The following CYREN variants were observed in gnomAD, a reference collection of about 807,000 sequenced individuals.
The protein encoded by CYREN is cell cycle regulator of NHEJ, also known as cell cycle regulator of non-homologous end joining.
Under a neutral mutation model 9.7 loss-of-function variants are expected in CYREN, and 7 were observed. The observed-to-expected ratio is 0.72, with a 90% CI of 0.41 to 1.36. The LOEUF (loss-of-function observed/expected upper bound fraction) is 1.36, where lower values mean the gene tolerates loss of function less well. Ranked by LOEUF, CYREN falls within the 40% of genes most tolerant of loss-of-function variation. The pLI, the probability that CYREN is intolerant of heterozygous loss-of-function variation, is 0.01. For synonymous variants in CYREN, 76 were observed against 77.9 expected (o/e 0.98, Z 0.13); for missense variants, 215 against 198.1 (o/e 1.09, Z -0.51).
chr7:135,109,177 T>C (rs1159504714), intron 2 of CYREN, among the ~76,000 whole-genome samples: 1 of 152,262 alleles, frequency 6.6e-6, no homozygotes, highest in Non-Finnish European at 1.5e-5. Flanking sequence ...CTGAATTCTA[T>C]TTCTGTCATT....
intron 2 of CYREN, among the ~76,000 whole-genome samples, chr7:135,112,866 C>T (rs1261575047): frequency 6.6e-6 from 1 of 152,188 alleles, no homozygotes; most frequent in Non-Finnish European, 1.5e-5. Flanking sequence ...CAACCTCCGC[C>T]TCCTGGGTTC....
chr7:135,157,373 A>G (rs1829821538), intron 2 of CYREN, among the ~76,000 whole-genome samples: 1 of 152,218 alleles, frequency 6.6e-6, no homozygotes, highest in South Asian at 2.1e-4. Flanking sequence ...GGGATAGAGT[A>G]TGGTAATTAG....
chr7:135,138,572 C>T (rs1056907704), intron 2 of CYREN, among the ~76,000 whole-genome samples: 3 of 151,602 alleles, frequency 2.0e-5, no homozygotes, highest in Non-Finnish European at 2.9e-5. Flanking sequence ...TCAAATCATA[C>T]AAAATATTCA....
chr7:135,096,586 TAG>T (rs1822819468), intron 2 of CYREN, among the ~76,000 whole-genome samples: 1 of 66,132 alleles, frequency 1.5e-5, no homozygotes, highest in African/African-American at 7.0e-5. Flanking sequence ...GATAGATACA[TAG>T]ATAGATAGAT....
chr7:135,160,624 C>T (rs188131570), intron 2 of CYREN, among the ~76,000 whole-genome samples: 97 of 152,044 alleles, frequency 6.4e-4, no homozygotes, highest in African/African-American at 8.7e-4. Flanking sequence ...AGCATGCATA[C>T]GACATTAAAC....
At chr7:135,115,346 T>C in intron 2 of CYREN, 1 of 1,357,572 alleles carries the variant, frequency 7.4e-7, no homozygotes. Flanking sequence ...ATAGAGTTCA[T>C]ATCTCTGTAC....
chr7:135,169,193 G>C (rs957281535), intron 1 of CYREN, 133 bp from the exon 2 acceptor site: 1 of 323,436 alleles, frequency 3.1e-6, no homozygotes. Flanking sequence ...CATCAGGCAG[G>C]TGTGATTGTG....
chr7:135,122,777 A>C (rs771822603), intron 2 of CYREN, among the ~76,000 whole-genome samples: 1 of 152,204 alleles, frequency 6.6e-6, no homozygotes, highest in South Asian at 2.1e-4. Context: ...AACCCCAGCA[A>C]ACAGCAGCAG....
chr7:135,129,587 A>G lies in CYREN; in HGVS notation n.357-35005T>C. On this transcript the variant is annotated intron_variant and non_coding_transcript_variant, in intron 2 of 2. Transcript: ENST00000459937. Reference sequence around the variant, plus strand: ...TTTGCATGAGTTCTCTCTCTAGAGCAAACCCTTACAAACATTTCACTGATC... The same window carrying G: ...TTTGCATGAGTTCTCTCTCTAGAGCGAACCCTTACAAACATTTCACTGATC... 6 of 771,442 alleles carry G rather than the reference A, an allele frequency of 7.8e-6. No individual in the cohort carries two copies. The South Asian group carries it at 8.1e-5, about 10-fold the overall frequency. 47.8% of individuals were successfully genotyped at this position (771,442 alleles called of 1,614,324 possible).
At chr7:135,141,567 T>C (rs1288443186) in intron 2 of CYREN, among the ~76,000 whole-genome samples, 2 of 152,122 alleles carry the variant, frequency 1.3e-5, no homozygotes, top group Non-Finnish European at 2.9e-5. Context: ...TCAGCTCTGA[T>C]TGTGCTTATT....
At chr7:135,134,341 CA>C (rs1317686627) in intron 2 of CYREN, among the ~76,000 whole-genome samples, 4 of 151,896 alleles carry the variant, frequency 2.6e-5, no homozygotes, top group African/African-American at 9.7e-5. Flanking sequence ...GCTAAAAAAA[CA>C]GAGATTTTAA....
intron 2 of CYREN, among the ~76,000 whole-genome samples, chr7:135,108,949 G>T (rs758889363): frequency 2.8e-4 from 42 of 152,150 alleles, no homozygotes; most frequent in Non-Finnish European, 5.3e-4. Flanking sequence ...CAAGCTCCAA[G>T]ATTCTTTCCT....
At chr7:135,132,060 T>C (rs1413966648) in intron 2 of CYREN, among the ~76,000 whole-genome samples, 1 of 152,182 alleles carries the variant, frequency 6.6e-6, no homozygotes, top group Admixed American at 6.5e-5. Flanking sequence ...AGAAATCACC[T>C]GGCCTAGGTG....
chr7:135,113,580 A>T (rs1237626859), intron 2 of CYREN, among the ~76,000 whole-genome samples: 1 of 152,166 alleles, frequency 6.6e-6, no homozygotes, highest in East Asian at 1.9e-4. Context: ...ATTATAGGAC[A>T]TTTTTTTAAA....
intron 2 of CYREN, chr7:135,128,371 T>G: frequency 7.5e-6 from 3 of 397,802 alleles, no homozygotes; most frequent in Non-Finnish European, 9.1e-6. Flanking sequence ...ATGGCCCTGG[T>G]GGGAGTGTAG....
At chr7:135,109,818 T>C (rs1825351209) in intron 2 of CYREN, among the ~76,000 whole-genome samples, 1 of 152,080 alleles carries the variant, frequency 6.6e-6, no homozygotes, top group South Asian at 2.1e-4. Flanking sequence ...CCTCAGACTG[T>C]CTAGAGCCTG....
At chr7:135,115,440 C>A in intron 2 of CYREN, 1 of 1,551,356 alleles carries the variant, frequency 6.4e-7, no homozygotes, top group Non-Finnish European at 8.7e-7. Context: ...AGCAAGAAGA[C>A]TGGCATAAAT....
At chr7:135,162,215 C>G (rs553291094), downstream of CYREN, among the ~76,000 whole-genome samples, 110 of 152,328 alleles carry the variant, frequency 7.2e-4, no homozygotes, top group South Asian at 1.4e-3. Flanking sequence ...GCTGTTCCCC[C>G]AGAGGGGTCC....
intron 2 of CYREN, among the ~76,000 whole-genome samples, chr7:135,139,677 T>C (rs1353626023): frequency 1.3e-5 from 2 of 152,122 alleles, no homozygotes; most frequent in Admixed American, 6.6e-5. Flanking sequence ...ATTTTCCAGG[T>C]TTTCTTCTAT....
Sources: gnomAD v4.1 joint callset for allele counts (sites outside exome capture counted in the v4.1 genomes callset) on GRCh38, gnomAD v4.1.1 for gene constraint, MANE v1.5 for transcripts, NCBI Gene and HGNC (gene_info 2026-07-23, HGNC 2026-07-21) for gene names.